The following RABGAP1L variants were observed in gnomAD, a reference collection of about 807,000 sequenced individuals.
The protein encoded by RABGAP1L is RAB GTPase activating protein 1 like.
Under a neutral mutation model 137.7 loss-of-function variants are expected in RABGAP1L, and 63 were observed. The observed-to-expected ratio is 0.46, with a 90% CI of 0.37 to 0.56. RABGAP1L has a LOEUF of 0.56. RABGAP1L is among the 20% of genes least tolerant of loss of function. The probability of loss-of-function intolerance (pLI) is 0.00; values close to 1 mark genes in which losing one functional copy is unlikely to be tolerated. For synonymous variants in RABGAP1L, 431 were observed against 433.7 expected, an observed-to-expected ratio of 0.99 and a Z score of 0.08; for missense variants, 1,095 against 1,244.0, an observed-to-expected ratio of 0.88 and a Z score of 1.80.
At chr1:174,349,054 G>A (rs1360544827) in intron 11 of RABGAP1L, among the ~76,000 whole-genome samples, 2 of 141,160 alleles carry the variant, frequency 1.4e-5, no homozygotes, top group Non-Finnish European at 1.6e-5. Context: ...CGGGGGGGGG[G>A]CTGACCCCCC....
At chr1:174,619,668 C>T (rs1672254865) in intron 13 of RABGAP1L, among the ~76,000 whole-genome samples, 1 of 152,146 alleles carries the variant, frequency 6.6e-6, no homozygotes. Flanking sequence ...ACAAACAGTA[C>T]CAGCCACTGC....
At chr1:174,792,871 G>A (rs376644989) in intron 18 of RABGAP1L, among the ~76,000 whole-genome samples, 15 of 152,300 alleles carry the variant, frequency 9.8e-5, no homozygotes, top group Admixed American at 2.6e-4. Flanking sequence ...GGTGGCTCAC[G>A]CCTATAATCC....
intron 1 of RABGAP1L, among the ~76,000 whole-genome samples, chr1:174,172,164 A>G (rs1571357973): frequency 7.5e-6 from 1 of 133,680 alleles, no homozygotes; most frequent in South Asian, 2.5e-4. Context: ...TTTAAGGCTG[A>G]ATAATATTCC....
chr1:174,162,625 C>T (rs1374301544), intron 1 of RABGAP1L, among the ~76,000 whole-genome samples: 2 of 151,970 alleles, frequency 1.3e-5, no homozygotes, highest in Non-Finnish European at 2.9e-5. Context: ...GATTCCCAGG[C>T]ACAGAGCTTG....
At chr1:174,878,710 A>G (rs1460319874) in intron 19 of RABGAP1L, among the ~76,000 whole-genome samples, 2 of 152,100 alleles carry the variant, frequency 1.3e-5, no homozygotes, top group Non-Finnish European at 2.9e-5. Context: ...ACAAATTACA[A>G]AAAATAAAAA....
rs527487845 is a variant in RABGAP1L, at chr1:174,230,382, A to C, written c.332-763A>C. ...CTGCACGTTGTGCACTTGTACCCTA[A>C]AACTTAAAGTATAGTAAAAAAAAGA... On this transcript the variant is annotated intron_variant, in intron 3 of 25. Coordinates refer to ENST00000681986, the MANE Select transcript of RABGAP1L (RefSeq NM_001366446.1). Among the ~76,000 whole-genome samples, 11 of 152,266 alleles carry C rather than the reference A, an allele frequency of 7.2e-5. No homozygotes were observed. In the East Asian group the frequency reaches 2.1e-3, roughly 29 times the overall value.
At chr1:174,936,741 A>G (rs1285792828) in intron 19 of RABGAP1L, among the ~76,000 whole-genome samples, 11 of 152,230 alleles carry the variant, frequency 7.2e-5, no homozygotes. Context: ...TTTGCTTATG[A>G]AAAGATGAAA....
intron 13 of RABGAP1L, among the ~76,000 whole-genome samples, chr1:174,609,889 T>G (rs188777595): frequency 3.9e-5 from 6 of 152,194 alleles, no homozygotes; most frequent in African/African-American, 1.4e-4. Context: ...TTTTTTAAAT[T>G]ATTTTGGATG....
At chr1:174,353,878 C>G (rs1194985728) in intron 11 of RABGAP1L, among the ~76,000 whole-genome samples, 1 of 152,130 alleles carries the variant, frequency 6.6e-6, no homozygotes, top group Non-Finnish European at 1.5e-5. Flanking sequence ...CTTTCTTTAC[C>G]ATGTCTGGTA....
At chr1:174,341,835 C>T (rs1415169349) in intron 11 of RABGAP1L, among the ~76,000 whole-genome samples, 1 of 152,020 alleles carries the variant, frequency 6.6e-6, no homozygotes, top group Admixed American at 6.6e-5. Flanking sequence ...GCAAAGTAGT[C>T]GTATTCTGAA....
intron 17 of RABGAP1L, among the ~76,000 whole-genome samples, chr1:174,724,922 G>T (rs1208754261): frequency 6.6e-6 from 1 of 152,208 alleles, no homozygotes; most frequent in East Asian, 1.9e-4. Flanking sequence ...AGTAGGGGAA[G>T]TGCATGCTTG....
intron 19 of RABGAP1L, among the ~76,000 whole-genome samples, chr1:174,814,342 T>G (rs1416479019): frequency 6.6e-6 from 1 of 152,028 alleles, no homozygotes; most frequent in Non-Finnish European, 1.5e-5. Flanking sequence ...TTTTGTGGGG[T>G]TTTCTTTGCA....
At chr1:174,278,836 C>A (rs1675238987) in intron 10 of RABGAP1L, 57 bp downstream of exon 10, 2 of 1,284,140 alleles carry the variant, frequency 1.6e-6, no homozygotes, top group East Asian at 5.5e-5. Flanking sequence ...TTCCACACTT[C>A]TTTTTTAATG....
At chr1:174,875,581 T>C in intron 19 of RABGAP1L, 3 of 985,432 alleles carry the variant, frequency 3.0e-6, no homozygotes, top group Non-Finnish European at 3.6e-6. Context: ...AAGAAAAATA[T>C]GAAAGCAAGA....
chr1:174,391,862 A>C (rs1408498390), intron 12 of RABGAP1L, among the ~76,000 whole-genome samples: 1 of 152,168 alleles, frequency 6.6e-6, no homozygotes, highest in African/African-American at 2.4e-5. Flanking sequence ...CTCTTTGTAC[A>C]TCATTGCTTT....
At chr1:174,950,777 G>A (rs911368134) in intron 19 of RABGAP1L, among the ~76,000 whole-genome samples, 1 of 152,128 alleles carries the variant, frequency 6.6e-6, no homozygotes, top group African/African-American at 2.4e-5. Flanking sequence ...ATAATGGCTA[G>A]CACCTTTGGC....
At chr1:174,335,180 T>C (rs1681371551) in intron 11 of RABGAP1L, among the ~76,000 whole-genome samples, 2 of 152,228 alleles carry the variant, frequency 1.3e-5, no homozygotes, top group African/African-American at 4.8e-5. Flanking sequence ...ACTTTATTAT[T>C]AGTTCTGTAA....
intron 13 of RABGAP1L, among the ~76,000 whole-genome samples, chr1:174,422,981 A>G (rs1303074404): frequency 1.3e-5 from 2 of 150,612 alleles, no homozygotes; most frequent in Admixed American, 1.3e-4. Context: ...TTTTTGAACC[A>G]TTATAGCTAA....
intron 1 of RABGAP1L, among the ~76,000 whole-genome samples, chr1:174,212,381 C>G (rs1029990227): frequency 5.3e-5 from 8 of 151,784 alleles, no homozygotes; most frequent in Admixed American, 4.6e-4. Flanking sequence ...AAATCAGTAA[C>G]AAAAGGAATT....
Sources: allele counts gnomAD v4.1 joint callset (sites outside exome capture counted in the v4.1 genomes callset), GRCh38; gene constraint gnomAD v4.1.1; transcripts MANE v1.5; gene names NCBI Gene and HGNC (gene_info 2026-07-23, HGNC 2026-07-21).